RDH14: variants seen among roughly 807,000 people sequenced by gnomAD.
RDH14 encodes retinol dehydrogenase 14, also known as alcohol dehydrogenase PAN2.
RDH14 carries 17 observed loss-of-function variants against 19.3 expected under a neutral mutation model. The observed-to-expected ratio is 0.88, with a 90% CI of 0.60 to 1.32. The LOEUF (loss-of-function observed/expected upper bound fraction) is 1.32. Among genes scored for constraint, RDH14 ranks in the 40% most tolerant of loss-of-function variants. The pLI, the probability that RDH14 is intolerant of heterozygous loss-of-function variation, is 0.00. For missense variants in RDH14, 534 were observed against 449.2 expected (o/e 1.19, Z -1.71); for synonymous variants, 215 against 188.9 (o/e 1.14, Z -1.13).
In RDH14 at chr2:18,555,776, G is replaced by A. The variant is rs769748613; in HGVS notation, c.426C>T (p.Asn142=). 9.9e-6 allele frequency: 16 copies of A among 1,612,402 alleles called. No homozygotes were observed. Among genetic ancestry groups the A allele is most frequent in the South Asian group, 3.3e-5 (3 of 91,020 alleles). ...TGTAAGGGCACTGGAAGATCCCTGCGTTATTGATCAAGACATCCAGCCTAG... is the reference window on the plus strand; with the variant it reads ...TGTAAGGGCACTGGAAGATCCCTGCATTATTGATCAAGACATCCAGCCTAG... ...EEPRLDVLIN[N]AGIFQCPYMK... Residue 142 remains asparagine (N), a synonymous_variant, in exon 2 of 2, where the codon AAC becomes AAT. Transcript: ENST00000381249.
intron 1 of RDH14, among the ~76,000 whole-genome samples, chr2:18,556,289 C>T (rs368821753): frequency 9.3e-4 from 142 of 152,282 alleles, no homozygotes; most frequent in African/African-American, 3.3e-3. Context: ...GGACAAGGCA[C>T]TCCTACAATC....
rs1664058402 is a variant in RDH14 at position 18,560,207 on chromosome 2, C to G, written c.366G>C (p.Val122=). ...GGAGCATTTCCTGGCAGAAGGCGCG[C>G]ACCGAGCGCAGCGAGGCGAGGTCCA... ...RELDLASLRS[V]RAFCQEMLQE... Residue 122 remains valine (V), a synonymous_variant, in exon 1 of 2, where the codon GTG becomes GTC. Coordinates refer to ENST00000381249, the MANE Select transcript of RDH14 (RefSeq NM_020905.4). 6.5e-7 allele frequency: 1 copy of G among 1,527,924 alleles called. No homozygotes were observed. The highest frequency in any genetic ancestry group is 1.2e-5 in the South Asian group (1 of 83,898). 94.6% of individuals were successfully genotyped at this position (1,527,924 alleles called of 1,614,324 possible). A position where few individuals can be genotyped will look rare whatever the true frequency, so the allele number is the denominator to read the frequency against.
intron 1 of RDH14, among the ~76,000 whole-genome samples, chr2:18,558,802 C>G (rs1663995187): frequency 6.6e-6 from 1 of 152,212 alleles, no homozygotes; most frequent in Non-Finnish European, 1.5e-5. Flanking sequence ...CAGTAAAAGG[C>G]TAATCAAAGA....
chr2:18,555,445 T>G lies in RDH14; in HGVS notation c.757A>C (p.Asn253His). ...GGAATGTGTATGTGCCTCCCCAGAT[T>G]TGTCCGTACAATACCAGGATGCAAC... ...NVLHPGIVRTNLGRHIHIPLL... is the reference protein window; with the variant it reads ...NVLHPGIVRTHLGRHIHIPLL... Residue 253 changes from asparagine (N) to histidine (H), a missense_variant, in exon 2 of 2, where the codon AAT (asparagine) becomes CAT (histidine). By Grantham distance (68) the Asn-to-His change is moderately conservative. Coordinates refer to ENST00000381249, the MANE Select transcript of RDH14 (RefSeq NM_020905.4). 6.2e-7 allele frequency: 1 copy of G among 1,614,132 alleles called. No homozygotes were observed. The highest frequency in any genetic ancestry group is 1.1e-5 in the South Asian group (1 of 91,076).
rs965014128 is a variant in RDH14 at position 18,560,635 on chromosome 2, C to A, written c.-63G>T. 5.1e-6 allele frequency: 7 copies of A among 1,373,326 alleles called. No individual in the cohort carries two copies. The African/African-American group carries it at 9.2e-5, about 18-fold the overall frequency. 85.1% of individuals were successfully genotyped at this position (1,373,326 alleles called of 1,614,324 possible). ...TTCCGCAGCCGCCGCCTTACCGGAACCCAAGAGACCACCTGTACGCGGAGA... is the reference window on the plus strand; with the variant it reads ...TTCCGCAGCCGCCGCCTTACCGGAAACCAAGAGACCACCTGTACGCGGAGA... On this transcript the variant is annotated 5_prime_UTR_variant, in exon 1 of 2. Transcript: ENST00000381249.
chr2:18,555,568 T>C lies in RDH14; in HGVS notation c.634A>G (p.Asn212Asp). 1.2e-6 allele frequency: 2 copies of C among 1,614,144 alleles called. No homozygotes were observed. Among genetic ancestry groups the C allele is most frequent in the Non-Finnish European group, 1.7e-6 (2 of 1,179,982 alleles). Residue 212 changes from asparagine to aspartate, a missense_variant, in exon 2 of 2, where the codon AAT (asparagine) becomes GAT (aspartate). By Grantham distance (23) the Asn-to-Asp change is conservative (BLOSUM62 1). Transcript: ENST00000381249. The stretch of plus-strand genomic sequence containing the variant: ...CTCCGGCTATAACAAAAGCTTTTAT[T>C]ATAGCTTTGTTCACTGTTCAAGTCA... Reference protein sequence around the residue: ...FDDLNSEQSYNKSFCYSRSKL... With the variant: ...FDDLNSEQSYDKSFCYSRSKL...
Position 18,560,206 on chromosome 2 carries a change from G to C in RDH14, c.367C>G (p.Arg123Gly). ...TGGAGCATTTCCTGGCAGAAGGCGC[G>C]CACCGAGCGCAGCGAGGCGAGGTCC... ...ELDLASLRSVRAFCQEMLQEE... is the reference protein window; with the variant it reads ...ELDLASLRSVGAFCQEMLQEE... The change falls in exon 1 of 2, where the codon CGC (arginine) becomes GGC (glycine). Residue 123 changes from arginine to glycine, a missense_variant. Arg to Gly is a moderately radical substitution (Grantham distance 125). Transcript: ENST00000381249. The C allele has an allele frequency of 6.5e-7, 1 of 1,527,414 alleles. No individual in the cohort carries two copies. The highest frequency in any genetic ancestry group is 8.7e-7 in the Non-Finnish European group (1 of 1,143,720). 94.6% of individuals were successfully genotyped at this position (1,527,414 alleles called of 1,614,324 possible).
chr2:18,558,666 C>T (rs770495393), intron 1 of RDH14, among the ~76,000 whole-genome samples: 37 of 152,202 alleles, frequency 2.4e-4, no homozygotes, highest in Admixed American at 5.9e-4. Flanking sequence ...CTTCTGCTCA[C>T]CTGAGATAAA....
chr2:18,555,853 G>T (rs765886193), intron 1 of RDH14, 45 bp from the exon 2 acceptor site: 1 of 1,533,942 alleles, frequency 6.5e-7, no homozygotes, highest in East Asian at 2.3e-5. Context: ...AAGAACACAC[G>T]CCTTGTATTG....
At chr2:18,560,148 T>A (rs985120804) in intron 1 of RDH14, 32 bp downstream of exon 1, 6 of 1,496,096 alleles carry the variant, frequency 4.0e-6, no homozygotes, top group Non-Finnish European at 5.3e-6. Flanking sequence ...GCCCAGGCCC[T>A]CCCCACCAGC....
At position 18,555,260 on chromosome 2, in the gene RDH14, T is replaced by G; in HGVS notation, c.942A>C (p.Lys314Asn). The G allele has an allele frequency of 6.2e-7, 1 of 1,614,140 alleles. No homozygotes were observed. The highest frequency in any genetic ancestry group is 1.3e-5 in the African/African-American group (1 of 75,062). Reference protein sequence around the residue: ...GDCKEEELLPKAMDESVARKL... With the variant: ...GDCKEEELLPNAMDESVARKL... Reference sequence around the variant, plus strand: ...TTCTTGCAACAGATTCATCCATAGCTTTGGGCAACAGTTCTTCCTCTTTAC... The same window carrying G: ...TTCTTGCAACAGATTCATCCATAGCGTTGGGCAACAGTTCTTCCTCTTTAC... Residue 314 changes from lysine to asparagine, a missense_variant, in exon 2 of 2, where the codon AAA becomes AAC. By Grantham distance (94) the Lys-to-Asn change is moderately conservative (BLOSUM62 0). Coordinates refer to ENST00000381249, the MANE Select transcript of RDH14 (RefSeq NM_020905.4).
rs1664059023 is a variant in RDH14, at chr2:18,560,222, G to A, written c.351C>T (p.Ala117=). The change falls in exon 1 of 2, where the codon GCC becomes GCT. Residue 117 remains alanine (A), a synonymous_variant. Coordinates refer to ENST00000381249, the MANE Select transcript of RDH14 (RefSeq NM_020905.4). ...GELIVRELDL[A]SLRSVRAFCQ... ...AGAAGGCGCGCACCGAGCGCAGCGAGGCGAGGTCCAGCTCCCGGACTATGA... is the reference window on the plus strand; with the variant it reads ...AGAAGGCGCGCACCGAGCGCAGCGAAGCGAGGTCCAGCTCCCGGACTATGA... 5.9e-6 allele frequency: 9 copies of A among 1,527,802 alleles called. No individual in the cohort carries two copies. The highest frequency in any genetic ancestry group is 7.0e-6 in the Non-Finnish European group (8 of 1,143,968). 94.6% of individuals were successfully genotyped at this position (1,527,802 alleles called of 1,614,324 possible).
At position 18,555,038 on chromosome 2, in the gene RDH14, C is replaced by T; in HGVS notation, c.*153G>A. 8.4e-7 allele frequency: 1 copy of T among 1,189,954 alleles called. No individual in the cohort carries two copies. The highest frequency in any genetic ancestry group is 1.1e-6 in the Non-Finnish European group (1 of 881,224). The allele number at this position is 1,189,954 out of a possible 1,614,324, so 73.7% of individuals were successfully genotyped here. A position where few individuals can be genotyped will look rare whatever the true frequency, so the allele number is the denominator to read the frequency against. ...TTCTCTTATCCCAAAAATAATTTTTCAGTAACTCCAAAATACCCACATGTA... is the reference window on the plus strand; with the variant it reads ...TTCTCTTATCCCAAAAATAATTTTTTAGTAACTCCAAAATACCCACATGTA... On this transcript the variant is annotated 3_prime_UTR_variant, in exon 2 of 2. Coordinates refer to ENST00000381249, the MANE Select transcript of RDH14 (RefSeq NM_020905.4).
At position 18,555,355 on chromosome 2, in the gene RDH14, C is replaced by T; in HGVS notation, c.847G>A (p.Ala283Thr). 6.2e-7 allele frequency: 1 copy of T among 1,614,066 alleles called. No individual in the cohort carries two copies. The highest frequency in any genetic ancestry group is 8.5e-7 in the Non-Finnish European group (1 of 1,179,964). The change falls in exon 2 of 2, where the codon GCC becomes ACC. Residue 283 changes from alanine to threonine, a missense_variant. Ala to Thr is a moderately conservative substitution (Grantham distance 58, BLOSUM62 0). Transcript: ENST00000381249. ...WAFFKTPVEG[A>T]QTSIYLASSP... is the part of the protein sequence containing the mutation. ...GAGGCCAAATAAATGGAAGTCTGGG[C>T]ACCTTCTACTGGAGTTTTGAAAAAA...
chr2:18,558,116 A>G (rs538060546), intron 1 of RDH14, among the ~76,000 whole-genome samples: 3 of 152,158 alleles, frequency 2.0e-5, no homozygotes, highest in African/African-American at 7.2e-5. Context: ...TTCTTTGTGG[A>G]GCTGACTTTT....
chr2:18,560,622 C>T lies in RDH14; in HGVS notation c.-50G>A. 2 of 1,384,512 alleles carry T rather than the reference C, an allele frequency of 1.4e-6. No homozygotes were observed. Among genetic ancestry groups the T allele is most frequent in the Non-Finnish European group, 1.9e-6 (2 of 1,079,254 alleles). The allele number at this position is 1,384,512 out of a possible 1,614,324, so 85.8% of individuals were successfully genotyped here. On this transcript the variant is annotated 5_prime_UTR_variant, in exon 1 of 2. Coordinates refer to ENST00000381249, the MANE Select transcript of RDH14 (RefSeq NM_020905.4). ...CCCTCCACGGGAGTTCCGCAGCCGC[C>T]GCCTTACCGGAACCCAAGAGACCAC... is the stretch of plus-strand genomic sequence containing the variant.
chr2:18,557,443 A>T (rs1374620817), intron 1 of RDH14, among the ~76,000 whole-genome samples: 1 of 152,244 alleles, frequency 6.6e-6, no homozygotes, highest in African/African-American at 2.4e-5. Flanking sequence ...AAAGAAGGCA[A>T]GAGTTCACTC....
intron 1 of RDH14, among the ~76,000 whole-genome samples, chr2:18,559,816 G>A (rs748559919): frequency 3.9e-5 from 6 of 152,038 alleles, no homozygotes; most frequent in Non-Finnish European, 8.8e-5. Flanking sequence ...ACACAGCTTG[G>A]TGCAAATTCA....
rs141886106 is a variant in RDH14 at position 18,555,474 on chromosome 2, T to C, written c.728A>G (p.Asn243Ser). The part of the protein sequence containing the change: ...RRLEGTNVTV[N>S]VLHPGIVRTN... The stretch of plus-strand genomic sequence containing the variant: ...CCGTACAATACCAGGATGCAACACA[T>C]TGACGGTGACATTTGTGCCTTCTAA... Residue 243 changes from asparagine (N) to serine (S), a missense_variant, in exon 2 of 2, where the codon AAT becomes AGT. Asn to Ser is a conservative substitution (Grantham distance 46). Coordinates refer to ENST00000381249, the MANE Select transcript of RDH14 (RefSeq NM_020905.4). The C allele has an allele frequency of 4.3e-5, 70 of 1,614,062 alleles. No individual in the cohort carries two copies. The highest frequency in any genetic ancestry group is 4.9e-5 in the Non-Finnish European group (58 of 1,180,022).
Sources: gnomAD v4.1 joint callset for allele counts (sites outside exome capture counted in the v4.1 genomes callset) on GRCh38, gnomAD v4.1.1 for gene constraint, MANE v1.5 for transcripts, NCBI Gene and HGNC (gene_info 2026-07-23, HGNC 2026-07-21) for gene names.